The following DYNC2H1 variants were observed in gnomAD, a reference collection of about 807,000 sequenced individuals.
DYNC2H1 encodes dynein cytoplasmic 2 heavy chain 1, also known as cytoplasmic dynein 2 heavy chain 1.
A neutral mutation model predicts 570.0 loss-of-function variants in DYNC2H1; 410 were observed. The ratio of observed to expected loss-of-function variants is 0.72; its 90% CI spans 0.66 to 0.78. DYNC2H1 has a LOEUF of 0.78. Among genes scored for constraint, DYNC2H1 ranks in the 30% least tolerant of loss-of-function variants. DYNC2H1 has a pLI of 0.00. For synonymous variants in DYNC2H1, 1,688 were observed against 1,677.6 expected, an observed-to-expected ratio of 1.01 and a Z score of -0.15; for missense variants, 4,865 against 5,046.4, an observed-to-expected ratio of 0.96 and a Z score of 1.09.
intron 82 of DYNC2H1, among the ~76,000 whole-genome samples, chr11:103,354,312 C>A (rs1940218352): frequency 6.7e-6 from 1 of 149,832 alleles, no homozygotes; most frequent in South Asian, 2.1e-4. Context: ...TAAAAAAATT[C>A]TGGGTTTTTT....
At position 103,152,151 on chromosome 11, in the gene DYNC2H1, C is replaced by G; in HGVS notation, c.2962C>G (p.Gln988Glu). The change falls in exon 21 of 89, where the codon CAA becomes GAA. Residue 988 changes from glutamine to glutamate, a missense_variant. Coordinates refer to ENST00000375735, the MANE Select transcript of DYNC2H1 (RefSeq NM_001377.3). ...ERKPEILPLFQEAEDKNRLLR... is the reference protein window; with the variant it reads ...ERKPEILPLFEEAEDKNRLLR... Reference sequence around the variant, plus strand: ...TAACCTTTAGATTTTGCCCTTATTTCAAGAAGCTGAAGACAAAAACAGACT... The same window carrying G: ...TAACCTTTAGATTTTGCCCTTATTTGAAGAAGCTGAAGACAAAAACAGACT... The G allele has an allele frequency of 6.4e-7, 1 of 1,569,584 alleles. No individual in the cohort carries two copies. Among genetic ancestry groups the G allele is most frequent in the Non-Finnish European group, 8.6e-7 (1 of 1,159,872 alleles).
intron 87 of DYNC2H1, among the ~76,000 whole-genome samples, chr11:103,463,439 A>G (rs1016396450): frequency 6.6e-6 from 1 of 152,156 alleles, no homozygotes; most frequent in African/African-American, 2.4e-5. Context: ...CATCTCCCCA[A>G]TAAAAAGAGA....
In DYNC2H1 at chr11:103,222,145, G is replaced by T; in HGVS notation, c.9223G>T (p.Asp3075Tyr). The part of the protein sequence containing the change: ...ELLFKNKGSF[D>Y]PKNAKRASTA... Reference sequence around the variant, plus strand: ...TCTTTTTAAAAATAAAGGCTCTTTTGATCCAAAGGTAATTTTTAAGTTATA... The same window carrying T: ...TCTTTTTAAAAATAAAGGCTCTTTTTATCCAAAGGTAATTTTTAAGTTATA... The change falls in exon 58 of 89, where the codon GAT becomes TAT. Residue 3075 changes from aspartate (D) to tyrosine (Y), a missense_variant. Around this residue, in one of 5 missense-constraint regions of DYNC2H1, gnomAD observed 2,401 missense variants for 2,454.6 expected, o/e 0.98. Coordinates refer to ENST00000375735, the MANE Select transcript of DYNC2H1 (RefSeq NM_001377.3). 6.5e-7 allele frequency: 1 copy of T among 1,545,980 alleles called. No individual in the cohort carries two copies. The highest frequency in any genetic ancestry group is 1.2e-5 in the South Asian group (1 of 81,984).
chr11:103,340,992 A>G (rs1451361333), intron 82 of DYNC2H1, among the ~76,000 whole-genome samples: 1 of 152,158 alleles, frequency 6.6e-6, no homozygotes, highest in East Asian at 1.9e-4. Flanking sequence ...TTAAGTATAT[A>G]AAATCAATGA....
At chr11:103,435,335 T>A (rs1397848424) in intron 84 of DYNC2H1, among the ~76,000 whole-genome samples, 1 of 152,116 alleles carries the variant, frequency 6.6e-6, no homozygotes, top group Non-Finnish European at 1.5e-5. Context: ...CCAGAAAACC[T>A]TCACCAAAAA....
chr11:103,456,350 A>G lies in DYNC2H1; in HGVS notation c.12642A>G (p.Gln4214=). 3 of 1,595,846 alleles carry G rather than the reference A, an allele frequency of 1.9e-6. No homozygotes were observed. The highest frequency in any genetic ancestry group is 2.6e-6 in the Non-Finnish European group (3 of 1,170,286). ...GTCGACTGCAAGAAGCAAAGCTACA[A>G]ATTAAGGTACTAGACTAATTTTAGA... is the stretch of plus-strand genomic sequence containing the variant. ...WKGRLQEAKL[Q]IKISGLLLEG... is the part of the protein sequence containing the mutation. Residue 4214 remains glutamine, a synonymous_variant, in exon 87 of 89, where the codon CAA becomes CAG. Coordinates refer to ENST00000375735, the MANE Select transcript of DYNC2H1 (RefSeq NM_001377.3).
intron 35 of DYNC2H1, 132 bp from the exon 36 acceptor site, chr11:103,173,923 C>T: frequency 3.1e-6 from 2 of 639,988 alleles, no homozygotes; most frequent in Non-Finnish European, 5.3e-6. Flanking sequence ...GGTTGCTTCC[C>T]TTATATAAAT....
At chr11:103,165,749 CTA>C (rs1861279528) in intron 30 of DYNC2H1, 147 bp from the exon 31 acceptor site, 2 of 576,002 alleles carry the variant, frequency 3.5e-6, no homozygotes, top group South Asian at 6.2e-5. Context: ...CTATATTACT[CTA>C]TTAATATTTA....
intron 83 of DYNC2H1, among the ~76,000 whole-genome samples, chr11:103,388,394 A>G (rs567262286): frequency 6.6e-6 from 1 of 152,338 alleles, no homozygotes; most frequent in South Asian, 2.1e-4. Context: ...CAGCTTAAGG[A>G]GATTCTGGGC....
At chr11:103,473,777 A>C (rs1174405785) in intron 88 of DYNC2H1, among the ~76,000 whole-genome samples, 1 of 152,196 alleles carries the variant, frequency 6.6e-6, no homozygotes, top group African/African-American at 2.4e-5. Flanking sequence ...CCTGGAAATA[A>C]TGCTCCTGAG....
intron 85 of DYNC2H1, among the ~76,000 whole-genome samples, chr11:103,453,526 T>C (rs1471683254): frequency 6.6e-6 from 1 of 151,354 alleles, no homozygotes; most frequent in Non-Finnish European, 1.5e-5. Flanking sequence ...CATAGATTAA[T>C]AACATTTTTA....
chr11:103,275,758 G>A lies in DYNC2H1; in HGVS notation c.10696-4590G>A, dbSNP rs1248006245. Among the ~76,000 whole-genome samples, 1 of 151,884 alleles carries A rather than the reference G, an allele frequency of 6.6e-6. No homozygotes were observed. The highest frequency in any genetic ancestry group is 2.4e-5 in the African/African-American group (1 of 41,328). ...TGGAGGACCACAGTTTATCCATTCG[G>A]CATCTACTGAAGGAAATCTTGGTTG... On this transcript the variant is annotated intron_variant, in intron 70 of 88. Transcript: ENST00000375735. The surrounding 1 kb of genome is among the most constrained non-coding windows in gnomAD (Gnocchi z 4.8).
intron 87 of DYNC2H1, among the ~76,000 whole-genome samples, chr11:103,467,579 C>A (rs2135845573): frequency 6.6e-6 from 1 of 152,172 alleles, no homozygotes; most frequent in African/African-American, 2.4e-5. Context: ...ACTCTGTCGC[C>A]CAGGCTGGAG....
rs1364268923 is a variant in DYNC2H1 at position 103,185,958 on chromosome 11, T to G, written c.6634-284T>G. On this transcript the variant is annotated intron_variant, in intron 41 of 88. Coordinates refer to ENST00000375735, the MANE Select transcript of DYNC2H1 (RefSeq NM_001377.3). The surrounding 1 kb of genome is among the most constrained non-coding windows in gnomAD (Gnocchi z 4.5). ...GCATTCTGTACTTTGTGATTTAATG[T>G]TAATAAGAACTCCATTAAAATGGAA... Among the ~76,000 whole-genome samples, 1 of 151,980 alleles carries G rather than the reference T, an allele frequency of 6.6e-6. No homozygotes were observed. Among genetic ancestry groups the G allele is most frequent in the East Asian group, 1.9e-4 (1 of 5,198 alleles).
intron 4 of DYNC2H1, among the ~76,000 whole-genome samples, chr11:103,115,815 CA>C (rs766835024): frequency 7.9e-5 from 12 of 152,072 alleles, no homozygotes; most frequent in Non-Finnish European, 1.6e-4. Flanking sequence ...AAAAAAACCC[CA>C]AAATTACTTT....
rs1565426455 is a variant in DYNC2H1 at position 103,244,788 on chromosome 11, A to G, written c.9919-463A>G. On this transcript the variant is annotated intron_variant, in intron 64 of 88. Transcript: ENST00000375735. The surrounding 1 kb of genome is among the most constrained non-coding windows in gnomAD (Gnocchi z 4.3). ...TTACAGTTATATACATATAAGTACT[A>G]TATCTATATATAGTCATAGTTATAG... Among the ~76,000 whole-genome samples, 1 of 149,272 alleles carries G rather than the reference A, an allele frequency of 6.7e-6. No homozygotes were observed. Among genetic ancestry groups the G allele is most frequent in the Non-Finnish European group, 1.5e-5 (1 of 67,408 alleles).
Position 103,253,381 on chromosome 11 carries a change from C to T in DYNC2H1, c.10139C>T (p.Pro3380Leu), listed in dbSNP as rs868586256. ...LSTRNPNPFI[P>L]PDAASIVTEV... is the part of the protein sequence containing the mutation. Reference sequence around the variant, plus strand: ...ACAAGAAACCCAAATCCTTTTATTCCACCGGATGCAGCTTCCATTGTTACT... The same window carrying T: ...ACAAGAAACCCAAATCCTTTTATTCTACCGGATGCAGCTTCCATTGTTACT... Residue 3380 changes from proline (P) to leucine (L), a missense_variant, in exon 66 of 89, where the codon CCA becomes CTA. By Grantham distance (98) the Pro-to-Leu change is moderately conservative (BLOSUM62 -3). This residue lies in a region of DYNC2H1 where 2,401 missense variants were observed against 2,454.6 expected (regional missense o/e 0.98). Coordinates refer to ENST00000375735, the MANE Select transcript of DYNC2H1 (RefSeq NM_001377.3). 1.9e-6 allele frequency: 3 copies of T among 1,613,040 alleles called. No homozygotes were observed. The highest frequency in any genetic ancestry group is 2.5e-6 in the Non-Finnish European group (3 of 1,179,468).
At position 103,272,699 on chromosome 11, in the gene DYNC2H1, A is replaced by G. The variant is rs1189241719; in HGVS notation, c.10696-7649A>G. Among the ~76,000 whole-genome samples, 5 of 152,308 alleles carry G rather than the reference A, an allele frequency of 3.3e-5. No homozygotes were observed. The East Asian group carries it at 5.8e-4, about 18-fold the overall frequency. ...TGGAAATGTGGACTTGATCTCAACT[A>G]TAAGATTCACTTTAAGATGTCCTAA... On this transcript the variant is annotated intron_variant, in intron 70 of 88. Transcript: ENST00000375735.
At position 103,202,938 on chromosome 11, in the gene DYNC2H1, A is replaced by G. The variant is rs1042642914; in HGVS notation, c.8198-725A>G. On this transcript the variant is annotated intron_variant, in intron 50 of 88. Coordinates refer to ENST00000375735, the MANE Select transcript of DYNC2H1 (RefSeq NM_001377.3). ...ACTTTGATTTGCCTTTCATCATTCT[A>G]TTCATCATCATGATTTGGCCTGCAT... is the stretch of plus-strand genomic sequence containing the variant. 2.0e-5 allele frequency among the ~76,000 whole-genome samples: 3 copies of G among 152,110 alleles called. No homozygotes were observed. In the South Asian group the frequency reaches 6.2e-4, roughly 31 times the overall value.
Sources: gnomAD v4.1 joint callset for allele counts (sites outside exome capture counted in the v4.1 genomes callset) on GRCh38, gnomAD v4.1.1 for gene constraint, gnomAD v4.1.1 regional missense constraint, Gnocchi (gnomAD v3.1) non-coding constraint, MANE v1.5 for transcripts, NCBI Gene and HGNC (gene_info 2026-07-23, HGNC 2026-07-21) for gene names.